The following SIL1 variants were observed in gnomAD, a reference collection of about 807,000 sequenced individuals.
The protein encoded by SIL1 is SIL1 nucleotide exchange factor, also known as nucleotide exchange factor SIL1.
Under a neutral mutation model 49.1 loss-of-function variants are expected in SIL1, and 40 were observed. The observed-to-expected ratio is 0.81, with a 90% CI of 0.63 to 1.06. The LOEUF (loss-of-function observed/expected upper bound fraction) is 1.06, where lower values mean the gene tolerates loss of function less well. Among genes scored for constraint, SIL1 ranks in the 50% least tolerant of loss-of-function variants. SIL1 has a pLI of 0.00. For synonymous variants in SIL1, 253 were observed against 250.8 expected, an observed-to-expected ratio of 1.01 and a Z score of -0.08; for missense variants, 500 against 572.6, an observed-to-expected ratio of 0.87 and a Z score of 1.29.
At position 138,947,704 on chromosome 5, in the gene SIL1, A is replaced by G. The variant is rs560617551; in HGVS notation, c.1030-231T>C. 6.6e-6 allele frequency among the ~76,000 whole-genome samples: 1 copy of G among 152,376 alleles called. No individual in the cohort carries two copies. The highest frequency in any genetic ancestry group is 2.1e-4 in the South Asian group (1 of 4,830). The stretch of plus-strand genomic sequence containing the variant: ...GTGCTGAAGAAACCACGATGGAGAC[A>G]TAGTCTTACCCTCAAGGAGCTTAAG... On this transcript the variant is annotated intron_variant, in intron 9 of 9. Transcript: ENST00000394817. The surrounding 1 kb of genome is among the most constrained non-coding windows in gnomAD (Gnocchi z 4.1).
At chr5:139,080,257 C>T (rs1164239410) in intron 3 of SIL1, among the ~76,000 whole-genome samples, 1 of 152,190 alleles carries the variant, frequency 6.6e-6, no homozygotes, top group African/African-American at 2.4e-5. Context: ...CATTTTCACA[C>T]AATGCATACA....
chr5:139,165,015 T>G (rs1018545188), intron 1 of SIL1, among the ~76,000 whole-genome samples: 1 of 152,218 alleles, frequency 6.6e-6, no homozygotes, highest in Non-Finnish European at 1.5e-5. Flanking sequence ...AATCCACATA[T>G]TCTATAGAGA....
intron 7 of SIL1, among the ~76,000 whole-genome samples, chr5:138,957,576 T>G (rs1045558159): frequency 1.3e-5 from 2 of 151,568 alleles, no homozygotes; most frequent in African/African-American, 4.9e-5. Context: ...GAAAAAAAAA[T>G]TATAGAAAAG....
At position 138,961,952 on chromosome 5, in the gene SIL1, C is replaced by CTTTT. The variant is rs10593901; in HGVS notation, c.768-10072_768-10069dup. On this transcript the variant is annotated intron_variant, in intron 7 of 9. Coordinates refer to ENST00000394817, the MANE Select transcript of SIL1 (RefSeq NM_022464.5). ...TCACTTTCTGCTGATGTTCTCTAGACTTTTTTTTTTTTTTTTTTTTTACCA... is the reference window on the plus strand; with the variant it reads ...TCACTTTCTGCTGATGTTCTCTAGACTTTTTTTTTTTTTTTTTTTTTTTTTACCA... Among the ~76,000 whole-genome samples the CTTTT allele has an allele frequency of 1.0e-3, 124 of 119,744 alleles. 2 individuals are homozygous for CTTTT. Among genetic ancestry groups the CTTTT allele is most frequent in the South Asian group, 2.9e-3 (10 of 3,486 alleles). The allele number at this position is 119,744 out of a possible 152,430, so 78.6% of individuals were successfully genotyped here. A position where few individuals can be genotyped will look rare whatever the true frequency, so the allele number is the denominator to read the frequency against.
chr5:139,102,323 C>T (rs1581101086), intron 3 of SIL1, among the ~76,000 whole-genome samples: 2 of 152,278 alleles, frequency 1.3e-5, no homozygotes, highest in South Asian at 2.1e-4. Flanking sequence ...AGTATGACTG[C>T]ACTTTTGTGC....
At chr5:139,005,451 T>G (rs866782247) in intron 7 of SIL1, among the ~76,000 whole-genome samples, 1 of 150,152 alleles carries the variant, frequency 6.7e-6, no homozygotes, top group Non-Finnish European at 1.5e-5. Flanking sequence ...TTATTTTTTC[T>G]TCCTTTTTTT....
chr5:139,000,904 T>C (rs1226882920), intron 7 of SIL1, among the ~76,000 whole-genome samples: 1 of 151,672 alleles, frequency 6.6e-6, no homozygotes, highest in Non-Finnish European at 1.5e-5. Context: ...ATTATATATA[T>C]AATATATAAA....
At chr5:139,021,102 G>A (rs1768515759) in intron 7 of SIL1, 69 bp downstream of exon 7, 4 of 1,602,550 alleles carry the variant, frequency 2.5e-6, no homozygotes, top group Non-Finnish European at 3.4e-6. Flanking sequence ...GCACATTCAA[G>A]TGTACCCTTC....
chr5:139,171,566 A>G (rs1001089321), intron 1 of SIL1, among the ~76,000 whole-genome samples: 97 of 151,974 alleles, frequency 6.4e-4, no homozygotes, highest in Non-Finnish European at 6.2e-4. Context: ...AACACTGCGG[A>G]AGGCCACAGG....
At chr5:139,166,191 A>C (rs118073203) in intron 1 of SIL1, among the ~76,000 whole-genome samples, 11 of 152,328 alleles carry the variant, frequency 7.2e-5, no homozygotes, top group African/African-American at 2.2e-4. Context: ...CAACAACTGC[A>C]CTGACAGAAT....
At position 139,145,629 on chromosome 5, in the gene SIL1, CGTGTGTGTGTGTGTGTGTGTGTGTGT is replaced by C. The variant is rs57675583; in HGVS notation, c.-10-17802_-10-17777del. On this transcript the variant is annotated intron_variant, in intron 1 of 9. Coordinates refer to ENST00000394817, the MANE Select transcript of SIL1 (RefSeq NM_022464.5). Reference sequence around the variant, plus strand: ...TAAAATGTGGGTGTGGGTGTGGGGGCGTGTGTGTGTGTGTGTGTGTGTGTGTGTGTGTGTGTGTGTGTGTGTGTGTG... The same window carrying C: ...TAAAATGTGGGTGTGGGTGTGGGGGCGTGTGTGTGTGTGTGTGTGTGTGTG... Among the ~76,000 whole-genome samples, 64 of 142,742 alleles carry C rather than the reference CGTGTGTGTGTGTGTGTGTGTGTGTGT, an allele frequency of 4.5e-4. 2 individuals carry two copies. In the South Asian group the frequency reaches 5.0e-3, roughly 11 times the overall value. The allele number at this position is 142,742 out of a possible 152,430, so 93.6% of individuals were successfully genotyped here.
Position 139,026,992 on chromosome 5 carries a change from C to A in SIL1, c.454G>T (p.Ala152Ser). 1 of 1,614,084 alleles carries A rather than the reference C, an allele frequency of 6.2e-7. No individual in the cohort carries two copies. The highest frequency in any genetic ancestry group is 1.1e-5 in the South Asian group (1 of 91,072). Residue 152 changes from alanine (A) to serine (S), a missense_variant and splice_region_variant, in exon 6 of 10, where the codon GCA (alanine) becomes TCA (serine). Physicochemically the swap from Ala to Ser is moderately conservative, Grantham distance 99. Transcript: ENST00000394817. Reference protein sequence around the residue: ...AEMESSKEDKARQAEVKRLFR... With the variant: ...AEMESSKEDKSRQAEVKRLFR... Reference sequence around the variant, plus strand: ...AGCCGCTTTACCTCAGCCTGCCTTGCCTAAGGAGAGCAGCAAAGAGGTGAT... The same window carrying A: ...AGCCGCTTTACCTCAGCCTGCCTTGACTAAGGAGAGCAGCAAAGAGGTGAT...
At chr5:139,090,353 T>C (rs1770316238) in intron 3 of SIL1, among the ~76,000 whole-genome samples, 1 of 152,112 alleles carries the variant, frequency 6.6e-6, no homozygotes, top group South Asian at 2.1e-4. Context: ...TGCTCTTGAT[T>C]CTCTTCTGGG....
At chr5:139,161,916 G>C (rs1005915587) in intron 1 of SIL1, among the ~76,000 whole-genome samples, 1 of 152,092 alleles carries the variant, frequency 6.6e-6, no homozygotes, top group African/African-American at 2.4e-5. Flanking sequence ...GGGAGGCTGA[G>C]GTGGGAGGAT....
At chr5:139,151,248 G>A (rs995679158) in intron 1 of SIL1, among the ~76,000 whole-genome samples, 3 of 152,040 alleles carry the variant, frequency 2.0e-5, no homozygotes, top group African/African-American at 4.8e-5. Flanking sequence ...ACAGAGGAAG[G>A]GGGCAACAGG....
chr5:138,965,593 C>G (rs552116500), intron 7 of SIL1, among the ~76,000 whole-genome samples: 24 of 151,894 alleles, frequency 1.6e-4, no homozygotes, highest in African/African-American at 5.8e-4. Flanking sequence ...CTATGGAAGA[C>G]ACAAAGGTGA....
chr5:139,021,140 T>C, intron 7 of SIL1, 31 bp downstream of exon 7: 1 of 1,614,098 alleles, frequency 6.2e-7, no homozygotes, highest in Non-Finnish European at 8.5e-7. Flanking sequence ...CAAGCAATTC[T>C]GGCCATTGGG....
intron 3 of SIL1, among the ~76,000 whole-genome samples, chr5:139,063,725 T>G (rs1769643594): frequency 2.0e-5 from 3 of 152,262 alleles, no homozygotes; most frequent in African/African-American, 7.2e-5. Flanking sequence ...GCTCATTTTC[T>G]GGAGAAGACT....
intron 5 of SIL1, among the ~76,000 whole-genome samples, chr5:139,029,754 C>A (rs905699260): frequency 1.3e-5 from 2 of 151,916 alleles, no homozygotes; most frequent in Admixed American, 1.3e-4. Context: ...CCACCTCAGC[C>A]TCCCAAAGTG....
Sources: gnomAD v4.1 joint callset for allele counts (sites outside exome capture counted in the v4.1 genomes callset) on GRCh38, gnomAD v4.1.1 for gene constraint, Gnocchi (gnomAD v3.1) non-coding constraint, MANE v1.5 for transcripts, NCBI Gene and HGNC (gene_info 2026-07-23, HGNC 2026-07-21) for gene names.